The following TBC1D19 variants were observed in gnomAD, a reference collection of about 807,000 sequenced individuals.
The protein encoded by TBC1D19 is TBC1 domain family, member 19.
In TBC1D19, 60 loss-of-function variants were observed where a neutral mutation model predicts 89.0. That is an observed-to-expected ratio of 0.67 (90% confidence interval 0.55 to 0.84). The LOEUF is 0.84. Among genes scored for constraint, TBC1D19 ranks in the 40% least tolerant of loss-of-function variants. The pLI is 0.00. For missense variants in TBC1D19, 500 were observed against 610.8 expected, an observed-to-expected ratio of 0.82 and a Z score of 1.91; for synonymous variants, 189 against 199.7, an observed-to-expected ratio of 0.95 and a Z score of 0.45.
At chr4:26,823,917 A>T in the TBC1D19 span, among the ~76,000 whole-genome samples, 3 of 152,082 alleles carry the variant, frequency 2.0e-5, no homozygotes, top group Non-Finnish European at 4.4e-5. Context: ...ACAGAACCCC[A>T]CTGACTCTTA....
chr4:26,716,339 A>G (rs531254093), intron 13 of TBC1D19, among the ~76,000 whole-genome samples: 37 of 152,240 alleles, frequency 2.4e-4, no homozygotes, highest in African/African-American at 8.4e-4. Context: ...GGCAGGTTGA[A>G]TACGTGTAGG....
At chr4:26,643,947 A>G (rs1743729538) in intron 7 of TBC1D19, among the ~76,000 whole-genome samples, 1 of 152,148 alleles carries the variant, frequency 6.6e-6, no homozygotes, top group Non-Finnish European at 1.5e-5. Flanking sequence ...CTCCCAACCA[A>G]AAGAAGTCTA....
chr4:26,607,215 A>C (rs1245617566), intron 1 of TBC1D19, among the ~76,000 whole-genome samples: 3 of 152,184 alleles, frequency 2.0e-5, no homozygotes, highest in East Asian at 3.9e-4. Context: ...ACTAGCTCTT[A>C]AAGTGAGTGA....
chr4:26,615,908 C>T (rs1741660322), intron 3 of TBC1D19, among the ~76,000 whole-genome samples: 2 of 152,036 alleles, frequency 1.3e-5, no homozygotes, highest in African/African-American at 2.4e-5. Flanking sequence ...CAATCTGAGG[C>T]AATATTACTG....
chr4:26,724,669 G>A (rs534705375), intron 15 of TBC1D19, among the ~76,000 whole-genome samples: 22 of 152,276 alleles, frequency 1.4e-4, no homozygotes, highest in Admixed American at 8.5e-4. Flanking sequence ...GCTGGGTATT[G>A]GGGCACTCCT....
the TBC1D19 span, among the ~76,000 whole-genome samples, chr4:26,782,155 G>T: frequency 6.6e-6 from 1 of 152,140 alleles, no homozygotes; most frequent in Non-Finnish European, 1.5e-5. Context: ...ACCCCGCAGA[G>T]GCAGGATGGA....
upstream of TBC1D19, among the ~76,000 whole-genome samples, chr4:26,583,006 C>T (rs1021660122): frequency 1.3e-5 from 2 of 152,168 alleles, no homozygotes; most frequent in African/African-American, 4.8e-5. Context: ...CACCAGAGTC[C>T]TATTGAATTA....
intron 14 of TBC1D19, among the ~76,000 whole-genome samples, 189 bp downstream of exon 14, chr4:26,718,206 GT>G (rs1174946582): frequency 1.3e-5 from 2 of 152,080 alleles, no homozygotes; most frequent in Admixed American, 6.6e-5. Context: ...TCACGGGAAA[GT>G]GGTTCCCAGA....
chr4:26,671,578 T>C (rs1042983988), intron 9 of TBC1D19, among the ~76,000 whole-genome samples: 2 of 151,842 alleles, frequency 1.3e-5, no homozygotes, highest in Admixed American at 1.3e-4. Context: ...TTATGATTTC[T>C]ACTTAAAAAA....
chr4:26,754,374 A>C (rs1375301037), intron 20 of TBC1D19: 2 of 158,296 alleles, frequency 1.3e-5, no homozygotes, highest in African/African-American at 4.8e-5. Flanking sequence ...GGTTCAATTA[A>C]ATAGTGTTTA....
the TBC1D19 span, among the ~76,000 whole-genome samples, chr4:26,798,925 T>C: frequency 1.3e-5 from 2 of 151,890 alleles, no homozygotes; most frequent in East Asian, 3.9e-4. Flanking sequence ...ACTTATCTGG[T>C]ACAATGTTCA....
In TBC1D19 at chr4:26,756,002, A is replaced by G. The variant is rs1719243853; in HGVS notation, c.*1055A>G. Among the ~76,000 whole-genome samples the G allele has an allele frequency of 6.6e-6, 1 of 152,214 alleles. No individual in the cohort carries two copies. The highest frequency in any genetic ancestry group is 2.4e-5 in the African/African-American group (1 of 41,464). On this transcript the variant is annotated 3_prime_UTR_variant, in exon 21 of 21. Transcript: ENST00000264866. The stretch of plus-strand genomic sequence containing the variant: ...ACTATTGTCCTTTGATTTTAGTTTC[A>G]AATTTAAGATGCTGATCACTTCACT...
At chr4:26,804,171 A>T in the TBC1D19 span, among the ~76,000 whole-genome samples, 4 of 151,780 alleles carry the variant, frequency 2.6e-5, no homozygotes, top group Admixed American at 1.3e-4. Context: ...ATTGAGATGG[A>T]GTCTCGCTCT....
intron 9 of TBC1D19, 44 bp from the exon 10 acceptor site, chr4:26,672,105 C>T (rs766437021): frequency 2.4e-5 from 21 of 862,572 alleles, no homozygotes; most frequent in African/African-American, 8.6e-5. Context: ...AATGTGATTG[C>T]TCATACTCAT....
chr4:26,659,923 G>T (rs1745118587), intron 8 of TBC1D19, among the ~76,000 whole-genome samples: 1 of 152,108 alleles, frequency 6.6e-6, no homozygotes, highest in Non-Finnish European at 1.5e-5. Context: ...AAATGCTTTT[G>T]CTTATTTTGT....
upstream of TBC1D19, among the ~76,000 whole-genome samples, chr4:26,581,077 G>A (rs192737647): frequency 8.7e-4 from 132 of 152,162 alleles, no homozygotes; most frequent in Non-Finnish European, 4.3e-4. Context: ...GTCTCTCTTT[G>A]TATAGTTTTA....
chr4:26,760,905 G>A (rs1187416183), downstream of TBC1D19, among the ~76,000 whole-genome samples: 1 of 152,032 alleles, frequency 6.6e-6, no homozygotes, highest in Non-Finnish European at 1.5e-5. Context: ...TAATTTTTGT[G>A]TATGGTGCAA....
At chr4:26,708,866 A>G (rs1351287521) in intron 13 of TBC1D19, among the ~76,000 whole-genome samples, 1 of 150,656 alleles carries the variant, frequency 6.6e-6, no homozygotes, top group Non-Finnish European at 1.5e-5. Context: ...TTGTTCATAT[A>G]TTTTTTCTTG....
chr4:26,697,809 C>T (rs1256698598), intron 13 of TBC1D19, among the ~76,000 whole-genome samples: 1 of 152,168 alleles, frequency 6.6e-6, no homozygotes, highest in African/African-American at 2.4e-5. Context: ...CAAAATTCAA[C>T]AACACTTCAT....
Sources: gnomAD v4.1 joint callset for allele counts (sites outside exome capture counted in the v4.1 genomes callset) on GRCh38, gnomAD v4.1.1 for gene constraint, MANE v1.5 for transcripts, NCBI Gene and HGNC (gene_info 2026-07-23, HGNC 2026-07-21) for gene names.